DNAH14: variants seen among roughly 807,000 people sequenced by gnomAD.
DNAH14 encodes the protein dynein axonemal heavy chain 14.
DNAH14 carries 478 observed loss-of-function variants against 520.9 expected under a neutral mutation model. The ratio of observed to expected loss-of-function variants is 0.92; its 90% CI spans 0.85 to 0.99. The LOEUF is 0.99. DNAH14 is among the 50% of genes least tolerant of loss of function. DNAH14 has a pLI of 0.00. For synonymous variants in DNAH14, 1,581 were observed against 1,757.2 expected (o/e 0.90, Z 2.51); for missense variants, 4,831 against 5,234.5 (o/e 0.92, Z 2.38).
intron 73 of DNAH14, among the ~76,000 whole-genome samples, chr1:225,354,452 G>T (rs1026606617): frequency 6.6e-6 from 1 of 152,026 alleles, no homozygotes; most frequent in Admixed American, 6.6e-5. Context: ...GGGTATGCAT[G>T]GGTGTCATTT....
At chr1:225,195,012 A>G (rs988871443) in intron 38 of DNAH14, among the ~76,000 whole-genome samples, 1 of 152,182 alleles carries the variant, frequency 6.6e-6, no homozygotes, top group Non-Finnish European at 1.5e-5. Context: ...TTAAAAAATA[A>G]CAGATGCTAG....
intron 9 of DNAH14, 40 bp downstream of exon 9, chr1:225,002,967 T>G: frequency 7.1e-7 from 1 of 1,410,812 alleles, no homozygotes; most frequent in African/African-American, 1.5e-5. Context: ...TATTGGTATA[T>G]AGAAACTAGG....
intron 38 of DNAH14, among the ~76,000 whole-genome samples, chr1:225,203,156 A>G (rs2087080207): frequency 6.6e-6 from 1 of 152,168 alleles, no homozygotes; most frequent in Non-Finnish European, 1.5e-5. Flanking sequence ...GCAAAAGTTC[A>G]TGATGTGAGC....
In DNAH14 at chr1:225,322,792, T is replaced by A; in HGVS notation, c.9464T>A (p.Ile3155Asn). The A allele has an allele frequency of 1.3e-6, 2 of 1,551,864 alleles. No individual in the cohort carries two copies. The highest frequency in any genetic ancestry group is 1.7e-6 in the Non-Finnish European group (2 of 1,146,970). ...GAAACTGGTTTCCTGAAAAAATTGA[T>A]TAACCTTGACAAGGACAGCATACCT... ...LSETGFLKKL[I>N]NLDKDSIPDK... The change falls in exon 62 of 86, where the codon ATT (isoleucine) becomes AAT (asparagine). Residue 3155 changes from isoleucine to asparagine, a missense_variant. Transcript: ENST00000682510.
intron 21 of DNAH14, among the ~76,000 whole-genome samples, chr1:225,090,164 G>A (rs2074254814): frequency 6.6e-6 from 1 of 152,014 alleles, no homozygotes; most frequent in Non-Finnish European, 1.5e-5. Flanking sequence ...TTGAGAAATA[G>A]CATAAAAATA....
At chr1:225,363,898 T>C (rs946635676) in intron 75 of DNAH14, among the ~76,000 whole-genome samples, 12 of 152,242 alleles carry the variant, frequency 7.9e-5, no homozygotes, top group Admixed American at 2.6e-4. Context: ...AACTACCTAG[T>C]ACGAGTCAGC....
rs1181275236 is a variant in DNAH14 at position 225,147,179 on chromosome 1, T to G, written c.4870T>G (p.Leu1624Val). ...SCFDEFNLID[L>V]EVLSVIASQI... is the part of the protein sequence containing the mutation. The stretch of plus-strand genomic sequence containing the variant: ...TTTTGATGAATTCAATCTAATTGAT[T>G]TGGAAGTTCTCTCTGTCATTGCCTC... Residue 1624 changes from leucine (L) to valine (V), a missense_variant, in exon 31 of 86, where the codon TTG becomes GTG. Leu to Val is a conservative substitution (Grantham distance 32). Transcript: ENST00000682510. 3.2e-6 allele frequency: 5 copies of G among 1,550,940 alleles called. No homozygotes were observed. Among genetic ancestry groups the G allele is most frequent in the Non-Finnish European group, 4.4e-6 (5 of 1,146,718 alleles).
chr1:224,944,047 C>T (rs1473884643), intron 1 of DNAH14, among the ~76,000 whole-genome samples: 2 of 152,086 alleles, frequency 1.3e-5, no homozygotes, highest in East Asian at 1.9e-4. Context: ...TCCTGGATAT[C>T]CTTGTTAACT....
rs571534959 is a variant in DNAH14, at chr1:224,932,699, A to G, written c.-34+2864A>G. On this transcript the variant is annotated intron_variant, in intron 1 of 85. Coordinates refer to ENST00000682510, the MANE Select transcript of DNAH14 (RefSeq NM_001367479.1). ...TATTGAAAAGGGTATGCTTTCTCCA[A>G]TGTAGGTTCTTGTCAGTTTTGTTGT... Among the ~76,000 whole-genome samples, 7 of 152,144 alleles carry G rather than the reference A, an allele frequency of 4.6e-5. No individual in the cohort carries two copies. In the East Asian group the frequency reaches 7.7e-4, roughly 17 times the overall value.
rs1308414705 is a variant in DNAH14 at position 225,322,764 on chromosome 1, TC to T, written c.9437del (p.Ser3146Ter). On this transcript the variant is annotated frameshift_variant, in exon 62 of 86. Coordinates refer to ENST00000682510, the MANE Select transcript of DNAH14 (RefSeq NM_001367479.1). LOFTEE classifies it high-confidence loss of function. Reference sequence around the variant, plus strand: ...CTGGGCAACGGCAAAGTTACTTCTTTCAGAAACTGGTTTCCTGAAAAAATTG... The same window carrying T: ...CTGGGCAACGGCAAAGTTACTTCTTTAGAAACTGGTTTCCTGAAAAAATTG... Reference protein sequence around the residue: ...PNWATAKLLLSETGFLKKLIN... With the variant: ...PNWATAKLLLXETGFLKKLIN... 46 of 1,551,706 alleles carry T rather than the reference TC, an allele frequency of 3.0e-5. No homozygotes were observed. Among genetic ancestry groups the T allele is most frequent in the Non-Finnish European group, 3.7e-5 (43 of 1,146,984 alleles).
At chr1:225,239,469 C>A (rs2091836123) in intron 42 of DNAH14, among the ~76,000 whole-genome samples, 1 of 152,138 alleles carries the variant, frequency 6.6e-6, no homozygotes, top group South Asian at 2.1e-4. Context: ...TGGACCATCA[C>A]CCGACTCTGC....
chr1:225,123,843 C>T (rs1028142736), intron 27 of DNAH14, among the ~76,000 whole-genome samples: 2 of 152,088 alleles, frequency 1.3e-5, no homozygotes, highest in African/African-American at 4.8e-5. Context: ...GCCTCCGCCT[C>T]CCAGGTTCAA....
chr1:225,000,465 A>ATTT (rs113602350), intron 8 of DNAH14, among the ~76,000 whole-genome samples: 7 of 139,800 alleles, frequency 5.0e-5, no homozygotes, highest in African/African-American at 1.8e-4. Flanking sequence ...TTCTTCAAGT[A>ATTT]TTTTTTTTTT....
intron 11 of DNAH14, among the ~76,000 whole-genome samples, chr1:225,035,500 T>G (rs979457608): frequency 3.0e-5 from 4 of 131,750 alleles, no homozygotes; most frequent in South Asian, 5.1e-4. Flanking sequence ...TTATTTGAAG[T>G]TTTTTTTTGT....
At chr1:224,993,653 TA>T (rs2063202579) in intron 8 of DNAH14, among the ~76,000 whole-genome samples, 1 of 151,944 alleles carries the variant, frequency 6.6e-6, no homozygotes. Context: ...GTTGATCTTT[TA>T]AATTATTTTT....
At chr1:225,200,563 T>C (rs1186380038) in intron 38 of DNAH14, among the ~76,000 whole-genome samples, 1 of 152,194 alleles carries the variant, frequency 6.6e-6, no homozygotes, top group Non-Finnish European at 1.5e-5. Context: ...CAGCGTTTGT[T>C]TGTCTGTATC....
intron 23 of DNAH14, among the ~76,000 whole-genome samples, chr1:225,101,708 G>A (rs889105290): frequency 3.9e-5 from 6 of 151,966 alleles, no homozygotes; most frequent in African/African-American, 9.7e-5. Context: ...TTTTATGGCC[G>A]AATAGTACTC....
chr1:224,967,516 T>G lies in DNAH14; in HGVS notation c.584T>G (p.Val195Gly), dbSNP rs750088260. The change falls in exon 6 of 86, where the codon GTA becomes GGA. Residue 195 changes from valine to glycine, a missense_variant. Physicochemically the swap from Val to Gly is moderately radical, Grantham distance 109. Coordinates refer to ENST00000682510, the MANE Select transcript of DNAH14 (RefSeq NM_001367479.1). ...KSLYNPYDLQ[V>G]VSAHTAKHCK... ...CTTTACAATCCATATGATCTTCAGG[T>G]AGTATCGGCTCATACTGCTAAACAT... 2 of 1,604,244 alleles carry G rather than the reference T, an allele frequency of 1.2e-6. No homozygotes were observed. The highest frequency in any genetic ancestry group is 4.5e-5 in the East Asian group (2 of 44,192).
chr1:225,002,948 A>G lies in DNAH14; in HGVS notation c.975+21A>G, dbSNP rs182268630. On this transcript the variant is annotated intron_variant, in intron 9 of 85. Transcript: ENST00000682510. ...TAAAGGTGAGTAGAAGTATACTACT[A>G]TAAGCTAATATTGGTATATAGAAAC... is the stretch of plus-strand genomic sequence containing the variant. 7.4e-6 allele frequency: 11 copies of G among 1,487,824 alleles called. No homozygotes were observed. The Admixed American group carries it at 2.0e-4, about 28-fold the overall frequency. The allele number at this position is 1,487,824 out of a possible 1,614,324, so 92.2% of individuals were successfully genotyped here.
Sources: gnomAD v4.1 joint callset for allele counts (sites outside exome capture counted in the v4.1 genomes callset) on GRCh38, gnomAD v4.1.1 for gene constraint, MANE v1.5 for transcripts, NCBI Gene and HGNC (gene_info 2026-07-23, HGNC 2026-07-21) for gene names.